Variants in GASK1B observed in about 807,000 individuals in gnomAD.
GASK1B encodes the protein golgi associated kinase 1B.
Under a neutral mutation model 42.8 loss-of-function variants are expected in GASK1B, and 34 were observed. The observed-to-expected ratio is 0.79, with a 90% confidence interval of 0.60 to 1.06. GASK1B has a LOEUF of 1.06. Among genes scored for constraint, GASK1B ranks in the 50% least tolerant of loss-of-function variants. GASK1B has a pLI of 0.00. For synonymous variants in GASK1B, 262 were observed against 259.1 expected (o/e 1.01, Z -0.11); for missense variants, 686 against 661.0 (o/e 1.04, Z -0.42).
At chr4:158,133,870 A>T (rs1730778498) in intron 3 of GASK1B, among the ~76,000 whole-genome samples, 1 of 152,072 alleles carries the variant, frequency 6.6e-6, no homozygotes, top group Non-Finnish European at 1.5e-5. Flanking sequence ...TTTTTTTCAG[A>T]TCTATATATG....
At chr4:158,138,859 A>T (rs933076393) in intron 3 of GASK1B, among the ~76,000 whole-genome samples, 1 of 152,190 alleles carries the variant, frequency 6.6e-6, no homozygotes, top group Non-Finnish European at 1.5e-5. Context: ...CTAAAAATAA[A>T]TTTTGCTTTT....
chr4:158,171,047 G>A lies in GASK1B; in HGVS notation c.329C>T (p.Thr110Ile). 6.2e-7 allele frequency: 1 copy of A among 1,613,726 alleles called. No homozygotes were observed. The highest frequency in any genetic ancestry group is 1.1e-5 in the South Asian group (1 of 91,064). ...STLQPNVVYI[T>I]LRSKRSKPAN... ...CGGCTTGCTGCGCTTGGAGCGTAGG[G>A]TAATGTACACCACATTGGGCTGCAG... Residue 110 changes from threonine (T) to isoleucine (I), a missense_variant, in exon 2 of 5, where the codon ACC (threonine) becomes ATC (isoleucine). Coordinates refer to ENST00000585682, the MANE Select transcript of GASK1B (RefSeq NM_001128424.2).
At chr4:158,154,856 G>T (rs944036904) in intron 3 of GASK1B, among the ~76,000 whole-genome samples, 6 of 152,220 alleles carry the variant, frequency 3.9e-5, no homozygotes, top group Admixed American at 3.3e-4. Context: ...GGTCTCAGGG[G>T]AAAGAATGGG....
rs185398679 is a variant in GASK1B, at chr4:158,152,162, G to A, written c.1125+3449C>T. 1.1e-3 allele frequency among the ~76,000 whole-genome samples: 162 copies of A among 152,246 alleles called. 2 individuals are homozygous for A. In the East Asian group the frequency reaches 0.023, roughly 21 times the overall value. On this transcript the variant is annotated intron_variant, in intron 3 of 4. Coordinates refer to ENST00000585682, the MANE Select transcript of GASK1B (RefSeq NM_001128424.2). The stretch of plus-strand genomic sequence containing the variant: ...GGCCTTTGGCCACAGACTGAATGCT[G>A]CACTGTCGACTTCCTTGCTTTTGAG...
chr4:158,161,245 A>G (rs1342282084), intron 2 of GASK1B, among the ~76,000 whole-genome samples: 1 of 152,166 alleles, frequency 6.6e-6, no homozygotes, highest in African/African-American at 2.4e-5. Flanking sequence ...AACATATATC[A>G]AATAATCACA....
intron 3 of GASK1B, among the ~76,000 whole-genome samples, chr4:158,151,064 T>G (rs1236177770): frequency 6.6e-6 from 1 of 152,304 alleles, no homozygotes; most frequent in African/African-American, 2.4e-5. Context: ...CATCCTAAAT[T>G]TCCACAAGAT....
chr4:158,156,269 G>A (rs1731756720), intron 2 of GASK1B, among the ~76,000 whole-genome samples: 1 of 152,114 alleles, frequency 6.6e-6, no homozygotes, highest in African/African-American at 2.4e-5. Context: ...ACATTATGAT[G>A]TCAGGAAGAA....
At chr4:158,145,041 G>A (rs952847648) in intron 3 of GASK1B, among the ~76,000 whole-genome samples, 1 of 152,054 alleles carries the variant, frequency 6.6e-6, no homozygotes, top group African/African-American at 2.4e-5. Context: ...CATCAAACAG[G>A]AGAAAAATCC....
chr4:158,150,076 C>T (rs1027763596), intron 3 of GASK1B, among the ~76,000 whole-genome samples: 6 of 152,074 alleles, frequency 3.9e-5, no homozygotes, highest in African/African-American at 1.4e-4. Context: ...CAGGCGTCCA[C>T]CACCATGCCC....
chr4:158,165,287 T>C (rs1579048343), intron 2 of GASK1B, among the ~76,000 whole-genome samples: 1 of 152,238 alleles, frequency 6.6e-6, no homozygotes, highest in African/African-American at 2.4e-5. Context: ...GATTTTTACA[T>C]GGACATAGTC....
intron 2 of GASK1B, among the ~76,000 whole-genome samples, chr4:158,163,158 T>C (rs1182863527): frequency 1.3e-5 from 2 of 152,204 alleles, no homozygotes; most frequent in African/African-American, 4.8e-5. Context: ...AATGAAAATT[T>C]TAGGTGCCCA....
chr4:158,131,738 A>G (rs1213332905), intron 3 of GASK1B, among the ~76,000 whole-genome samples: 1 of 152,190 alleles, frequency 6.6e-6, no homozygotes, highest in African/African-American at 2.4e-5. Context: ...ATCAGGTAAA[A>G]TAAAGCCTGG....
intron 2 of GASK1B, chr4:158,167,176 C>A (rs973558087): frequency 6.6e-6 from 1 of 152,196 alleles, no homozygotes; most frequent in Non-Finnish European, 1.5e-5. Flanking sequence ...AGATTACTTA[C>A]AGGCTTTGCT....
At chr4:158,135,703 G>T (rs1385819393) in intron 3 of GASK1B, among the ~76,000 whole-genome samples, 1 of 151,874 alleles carries the variant, frequency 6.6e-6, no homozygotes, top group Non-Finnish European at 1.5e-5. Context: ...ACTGCAAAAA[G>T]GAGGCGCATT....
At chr4:158,147,688 A>G (rs1279670286) in intron 3 of GASK1B, among the ~76,000 whole-genome samples, 2 of 152,066 alleles carry the variant, frequency 1.3e-5, no homozygotes, top group African/African-American at 2.4e-5. Context: ...GAATCAAGAT[A>G]TGATTTTATT....
chr4:158,129,570 T>C (rs1730598617), intron 4 of GASK1B, among the ~76,000 whole-genome samples: 1 of 152,246 alleles, frequency 6.6e-6, no homozygotes, highest in East Asian at 1.9e-4. Context: ...GGAAGAATGA[T>C]TGAAATATGC....
At chr4:158,160,982 T>C (rs1336878324) in intron 2 of GASK1B, among the ~76,000 whole-genome samples, 4 of 152,030 alleles carry the variant, frequency 2.6e-5, no homozygotes, top group African/African-American at 9.7e-5. Flanking sequence ...AAAGTGTTGA[T>C]CAACAGGTAC....
chr4:158,150,744 CTT>C (rs1731525638), intron 3 of GASK1B, among the ~76,000 whole-genome samples: 2 of 152,144 alleles, frequency 1.3e-5, no homozygotes, highest in Admixed American at 1.3e-4. Flanking sequence ...ATATATAATG[CTT>C]AAAACCAGTT....
intron 3 of GASK1B, among the ~76,000 whole-genome samples, chr4:158,137,179 G>T (rs910548489): frequency 5.9e-5 from 9 of 152,186 alleles, no homozygotes; most frequent in Middle Eastern, 3.4e-3. Context: ...CATGGATAAC[G>T]AATTCTCATA....
Sources: gnomAD v4.1 joint callset for allele counts (sites outside exome capture counted in the v4.1 genomes callset) on GRCh38, gnomAD v4.1.1 for gene constraint, MANE v1.5 for transcripts, NCBI Gene and HGNC (gene_info 2026-07-23, HGNC 2026-07-21) for gene names.